Variants in CDH5 observed in about 807,000 individuals in gnomAD.
The protein encoded by CDH5 is cadherin 5.
CDH5 carries 28 observed loss-of-function variants against 62.0 expected under a neutral mutation model. The observed-to-expected ratio is 0.45, with a 90% CI of 0.33 to 0.62. CDH5 has a LOEUF of 0.62. Among genes scored for constraint, CDH5 ranks in the 20% least tolerant of loss-of-function variants. CDH5 has a pLI of 0.02. For synonymous variants in CDH5, 464 were observed against 445.8 expected (o/e 1.04, Z -0.52); for missense variants, 940 against 1,065.1 (o/e 0.88, Z 1.63).
rs188082060 is a variant in CDH5, at chr16:66,401,593, T to G, written c.1837+577T>G. Among the ~76,000 whole-genome samples, 331 of 151,700 alleles carry G rather than the reference T, an allele frequency of 2.2e-3. 1 individual carries two copies. The highest frequency in any genetic ancestry group is 6.8e-3 in the Middle Eastern group (2 of 292). On this transcript the variant is annotated intron_variant, in intron 11 of 11. Transcript: ENST00000341529. The stretch of plus-strand genomic sequence containing the variant: ...AGCAGCCCTGGGATGAGGATTGGGG[T>G]GGAAGTGGTTTATTTGGGAGGTGGT...
At position 66,386,706 on chromosome 16, in the gene CDH5, TACAC is replaced by T. The variant is rs1378463250; in HGVS notation, c.211-99_211-96del. ...CCTGGCCAGCACCACACACACCACA[TACAC>T]ACATGCACAGGCACACCTGTGTACA... On this transcript the variant is annotated intron_variant, in intron 2 of 11. Transcript: ENST00000341529. 4.8e-6 allele frequency: 5 copies of T among 1,037,802 alleles called. No homozygotes were observed. The African/African-American group carries it at 8.0e-5, about 17-fold the overall frequency. 64.3% of individuals were successfully genotyped at this position (1,037,802 alleles called of 1,614,324 possible).
At position 66,402,764 on chromosome 16, in the gene CDH5, C is replaced by T; in HGVS notation, c.1950C>T (p.Gly650=). ...EQLVTYDEEG[G]GEMDTTSYDV... ...TGGTCACCTACGACGAGGAGGGCGGCGGCGAGATGGACACCACCAGCTACG... is the reference window on the plus strand; with the variant it reads ...TGGTCACCTACGACGAGGAGGGCGGTGGCGAGATGGACACCACCAGCTACG... The change falls in exon 12 of 12, where the codon GGC becomes GGT. Residue 650 remains glycine (G), a synonymous_variant. Coordinates refer to ENST00000341529, the MANE Select transcript of CDH5 (RefSeq NM_001795.5). The T allele has an allele frequency of 1.2e-6, 2 of 1,607,706 alleles. No homozygotes were observed. Among genetic ancestry groups the T allele is most frequent in the Non-Finnish European group, 1.7e-6 (2 of 1,178,124 alleles).
rs936264122 is a variant in CDH5 at position 66,385,098 on chromosome 16, G to A, written c.211-1711G>A. ...CTAGTGGGGGCCTGGCACCTCCCAGGCACCAAGTTATATTTTTTAATTGAA... is the reference window on the plus strand; with the variant it reads ...CTAGTGGGGGCCTGGCACCTCCCAGACACCAAGTTATATTTTTTAATTGAA... On this transcript the variant is annotated intron_variant, in intron 2 of 11. Coordinates refer to ENST00000341529, the MANE Select transcript of CDH5 (RefSeq NM_001795.5). 5.3e-5 allele frequency among the ~76,000 whole-genome samples: 8 copies of A among 152,282 alleles called. No individual in the cohort carries two copies. In the South Asian group the frequency reaches 1.7e-3, roughly 32 times the overall value.
chr16:66,379,196 G>C (rs573167902), intron 1 of CDH5, 123 bp from the exon 2 acceptor site: 3 of 722,668 alleles, frequency 4.2e-6, no homozygotes, highest in Admixed American at 4.8e-5. Context: ...TTAATTACCC[G>C]CAGATTGTGT....
chr16:66,388,229 C>T (rs1038715604), intron 3 of CDH5, 95 bp from the exon 4 acceptor site: 15 of 771,222 alleles, frequency 1.9e-5, no homozygotes, highest in East Asian at 1.5e-4. Flanking sequence ...GAGGTGGGGA[C>T]AGAGCACAGC....
chr16:66,369,357 AG>A (rs1330658249), intron 1 of CDH5, among the ~76,000 whole-genome samples: 1 of 152,130 alleles, frequency 6.6e-6, no homozygotes, highest in Non-Finnish European at 1.5e-5. Context: ...GGTAGATAGG[AG>A]TCAAGACACC....
chr16:66,382,084 C>T (rs1260369798), intron 2 of CDH5, among the ~76,000 whole-genome samples: 2 of 152,202 alleles, frequency 1.3e-5, no homozygotes, highest in African/African-American at 4.8e-5. Context: ...GACCTTGGTC[C>T]GTGGACTGGC....
At chr16:66,391,657 C>A (rs1441990119) in intron 6 of CDH5, among the ~76,000 whole-genome samples, 6 of 152,110 alleles carry the variant, frequency 3.9e-5, no homozygotes, top group Non-Finnish European at 8.8e-5. Context: ...CCTGTAATCC[C>A]AGCTACTTGG....
intron 1 of CDH5, among the ~76,000 whole-genome samples, chr16:66,375,169 T>G (rs1046954597): frequency 5.9e-5 from 9 of 152,192 alleles, no homozygotes; most frequent in African/African-American, 2.2e-4. Context: ...TACTGAATGC[T>G]GTAGCCAATT....
chr16:66,389,200 C>T (rs1362646293), intron 4 of CDH5, among the ~76,000 whole-genome samples, 158 bp from the exon 5 acceptor site: 1 of 152,164 alleles, frequency 6.6e-6, no homozygotes, highest in African/African-American at 2.4e-5. Flanking sequence ...ACAGTATAGG[C>T]TATGGAGGTA....
At chr16:66,401,733 C>G (rs919685769) in intron 11 of CDH5, among the ~76,000 whole-genome samples, 21 of 152,314 alleles carry the variant, frequency 1.4e-4, no homozygotes, top group Admixed American at 1.3e-3. Flanking sequence ...CATAGGGTTG[C>G]CGGGAGGCAG....
At position 66,390,580 on chromosome 16, in the gene CDH5, A is replaced by C; in HGVS notation, c.959A>C (p.Lys320Thr). 6.2e-7 allele frequency: 1 copy of C among 1,614,072 alleles called. No individual in the cohort carries two copies. The highest frequency in any genetic ancestry group is 8.5e-7 in the Non-Finnish European group (1 of 1,179,972). ...CCCGCCCACAACGAGGGCATCATCAAGCCCATGAAGGTTTGTAGGCCAATG... is the reference window on the plus strand; with the variant it reads ...CCCGCCCACAACGAGGGCATCATCACGCCCATGAAGGTTTGTAGGCCAATG... The part of the protein sequence containing the change: ...TNPAHNEGII[K>T]PMKPLDYEYI... Residue 320 changes from lysine to threonine, a missense_variant, in exon 6 of 12, where the codon AAG becomes ACG. By Grantham distance (78) the Lys-to-Thr change is moderately conservative. Transcript: ENST00000341529.
At chr16:66,375,236 A>G (rs1020534469) in intron 1 of CDH5, among the ~76,000 whole-genome samples, 1 of 152,220 alleles carries the variant, frequency 6.6e-6, no homozygotes, top group African/African-American at 2.4e-5. Context: ...GACAAGATAC[A>G]ATAAAATTCC....
chr16:66,389,572 C>T, intron 5 of CDH5, 50 bp downstream of exon 5: 1 of 1,431,056 alleles, frequency 7.0e-7, no homozygotes, highest in Non-Finnish European at 9.4e-7. Flanking sequence ...ATACCCCAGA[C>T]TCAGTGACTT....
At position 66,379,323 on chromosome 16, in the gene CDH5, G is replaced by T. The variant is rs765761823; in HGVS notation, c.-15G>T. The stretch of plus-strand genomic sequence containing the variant: ...ATGTGTCTCCTCTTTCCCCAGATCT[G>T]TTCCTCCTGGGAAGATGCAGAGGCT... On this transcript the variant is annotated 5_prime_UTR_variant, in exon 2 of 12. Transcript: ENST00000341529. 2 of 1,595,916 alleles carry T rather than the reference G, an allele frequency of 1.3e-6. No individual in the cohort carries two copies. The highest frequency in any genetic ancestry group is 2.3e-5 in the East Asian group (1 of 44,426).
rs1173575596 is a variant in CDH5 at position 66,393,267 on chromosome 16, T to G, written c.1217+884T>G. The stretch of plus-strand genomic sequence containing the variant: ...TATCTACTTCTAATTCTCTGTCCTA[T>G]CCATCATTCTATAGCAAAGCTATTC... On this transcript the variant is annotated intron_variant, in intron 7 of 11. Transcript: ENST00000341529. Among the ~76,000 whole-genome samples the G allele has an allele frequency of 3.9e-5, 6 of 152,226 alleles. No individual in the cohort carries two copies. The East Asian group carries it at 1.2e-3, about 29-fold the overall frequency.
In CDH5 at chr16:66,392,806, A is replaced by C; in HGVS notation, c.1217+423A>C. The C allele has an allele frequency of 2.4e-4, 41 of 172,948 alleles. No individual in the cohort carries two copies. The East Asian group carries it at 4.6e-3, about 19-fold the overall frequency. 10.7% of individuals were successfully genotyped at this position (172,948 alleles called of 1,614,324 possible). ...TTCATTTTATACAGTGAAACAACAC[A>C]GAGATCTACCAAGAAAACACTGATA... is the stretch of plus-strand genomic sequence containing the variant. On this transcript the variant is annotated intron_variant, in intron 7 of 11. Transcript: ENST00000341529.
rs1324349632 is a variant in CDH5 at position 66,403,200 on chromosome 16, C to T, written c.*31C>T. The T allele has an allele frequency of 6.3e-7, 1 of 1,578,880 alleles. No homozygotes were observed. The highest frequency in any genetic ancestry group is 2.3e-5 in the East Asian group (1 of 43,638). On this transcript the variant is annotated 3_prime_UTR_variant, in exon 12 of 12. Coordinates refer to ENST00000341529, the MANE Select transcript of CDH5 (RefSeq NM_001795.5). The surrounding 1 kb of genome is among the most constrained non-coding windows in gnomAD (Gnocchi z 4.3). ...CGAGGTCACTCTGGGCCTGGGGACC[C>T]AAACCCCCTGCAGCCCAGGCCAGTC...
At position 66,402,969 on chromosome 16, in the gene CDH5, G is replaced by A. The variant is rs1357399828; in HGVS notation, c.2155G>A (p.Asp719Asn). 14 of 1,612,832 alleles carry A rather than the reference G, an allele frequency of 8.7e-6. No individual in the cohort carries two copies. The highest frequency in any genetic ancestry group is 2.2e-5 in the East Asian group (1 of 44,852). The change falls in exon 12 of 12, where the codon GAC becomes AAC. Residue 719 changes from aspartate to asparagine, a missense_variant. Coordinates refer to ENST00000341529, the MANE Select transcript of CDH5 (RefSeq NM_001795.5). ...IEVKKDEADH[D>N]GDGPPYDTLH... ...GGTGAAGAAGGACGAGGCGGACCAC[G>A]ACGGCGACGGCCCCCCCTACGACAC...
Sources: gnomAD v4.1 joint callset for allele counts (sites outside exome capture counted in the v4.1 genomes callset) on GRCh38, gnomAD v4.1.1 for gene constraint, Gnocchi (gnomAD v3.1) non-coding constraint, MANE v1.5 for transcripts, NCBI Gene and HGNC (gene_info 2026-07-23, HGNC 2026-07-21) for gene names.